The following ANXA10 variants were observed in gnomAD, a reference collection of about 807,000 sequenced individuals.
The protein encoded by ANXA10 is annexin A10.
Under a neutral mutation model 53.5 loss-of-function variants are expected in ANXA10, and 49 were observed. The ratio of observed to expected loss-of-function variants is 0.92; its 90% CI spans 0.73 to 1.16. The LOEUF (loss-of-function observed/expected upper bound fraction) is 1.16, where lower values mean the gene tolerates loss of function less well. Ranked by LOEUF, ANXA10 falls within the 50% of genes most tolerant of loss-of-function variation. ANXA10 has a pLI of 0.00. For missense variants in ANXA10, 393 were observed against 394.4 expected, an observed-to-expected ratio of 1.00 and a Z score of 0.03; for synonymous variants, 131 against 128.9, an observed-to-expected ratio of 1.02 and a Z score of -0.11.
At chr4:168,131,694 A>C (rs1731158758) in intron 2 of ANXA10, among the ~76,000 whole-genome samples, 2 of 151,928 alleles carry the variant, frequency 1.3e-5, no homozygotes, top group Admixed American at 6.6e-5. Context: ...ATACATATTA[A>C]GGTTTGTTAT....
chr4:168,155,371 ATATAT>A (rs942347639), intron 3 of ANXA10, among the ~76,000 whole-genome samples: 4 of 106,696 alleles, frequency 3.7e-5, no homozygotes, highest in African/African-American at 1.1e-4. Flanking sequence ...ATAATGTATT[ATATAT>A]TATATTGAAT....
At chr4:168,179,825 CT>C (rs1033278777) in intron 9 of ANXA10, among the ~76,000 whole-genome samples, 52 of 152,162 alleles carry the variant, frequency 3.4e-4, no homozygotes, top group African/African-American at 1.2e-3. Flanking sequence ...CCTCTTGCTC[CT>C]TCCTAAGTAA....
At chr4:168,122,903 A>G (rs918943030) in intron 1 of ANXA10, among the ~76,000 whole-genome samples, 1 of 152,136 alleles carries the variant, frequency 6.6e-6, no homozygotes, top group Non-Finnish European at 1.5e-5. Flanking sequence ...ATCATATCAC[A>G]TATTTAGCGT....
intron 1 of ANXA10, among the ~76,000 whole-genome samples, chr4:168,114,552 A>G (rs1252566518): frequency 2.6e-5 from 4 of 152,228 alleles, no homozygotes; most frequent in Non-Finnish European, 5.9e-5. Flanking sequence ...GTACAATGAC[A>G]TAACTGCAGG....
intron 4 of ANXA10, among the ~76,000 whole-genome samples, chr4:168,163,712 AC>A (rs1428719480): frequency 1.3e-5 from 2 of 152,150 alleles, no homozygotes; most frequent in Non-Finnish European, 2.9e-5. Flanking sequence ...TCTGCAAGAG[AC>A]CACAGAAAGC....
chr4:168,168,823 C>G lies in ANXA10; in HGVS notation c.480+3497C>G, dbSNP rs141445964. Among the ~76,000 whole-genome samples, 1,180 of 152,266 alleles carry G rather than the reference C, an allele frequency of 7.7e-3. 13 individuals carry two copies. Among genetic ancestry groups the G allele is most frequent in the African/African-American group, 0.027 (1,123 of 41,564 alleles). On this transcript the variant is annotated intron_variant, in intron 6 of 11. Transcript: ENST00000359299. ...GACATGTTTGTCAATAAATAGAAAA[C>G]TTATGATGATGACTATATTAGGCCC...
intron 3 of ANXA10, among the ~76,000 whole-genome samples, chr4:168,148,014 G>T (rs1731432551): frequency 1.3e-5 from 2 of 152,042 alleles, no homozygotes; most frequent in African/African-American, 4.8e-5. Flanking sequence ...AATGGTTTTG[G>T]CCTACACAAA....
intron 11 of ANXA10, among the ~76,000 whole-genome samples, chr4:168,187,063 G>T (rs1464639309): frequency 6.6e-6 from 1 of 151,660 alleles, no homozygotes; most frequent in African/African-American, 2.4e-5. Context: ...ATAACATTAG[G>T]GTACATCTTC....
intron 3 of ANXA10, among the ~76,000 whole-genome samples, chr4:168,140,761 G>A (rs1056989858): frequency 6.6e-6 from 1 of 152,090 alleles, no homozygotes; most frequent in African/African-American, 2.4e-5. Flanking sequence ...TGGGATTACA[G>A]CTGTGCGTCA....
At chr4:168,093,082 C>T (rs941065898) in intron 1 of ANXA10, among the ~76,000 whole-genome samples, 1 of 152,000 alleles carries the variant, frequency 6.6e-6, no homozygotes, top group Non-Finnish European at 1.5e-5. Context: ...ATTATGAAAT[C>T]TTAAATCCAT....
At chr4:168,096,934 G>GTATATATA (rs1730558751) in intron 1 of ANXA10, among the ~76,000 whole-genome samples, 1 of 80,964 alleles carries the variant, frequency 1.2e-5, no homozygotes. Context: ...ATATATGTAT[G>GTATATATA]TATATGTATA....
At position 168,181,644 on chromosome 4, in the gene ANXA10, A is replaced by G. The variant is rs1461671170; in HGVS notation, c.725-39A>G. 5 of 1,485,864 alleles carry G rather than the reference A, an allele frequency of 3.4e-6. No individual in the cohort carries two copies. In the Admixed American group the frequency reaches 6.8e-5, roughly 20 times the overall value. The allele number at this position is 1,485,864 out of a possible 1,614,324, so 92.0% of individuals were successfully genotyped here. A position where few individuals can be genotyped will look rare whatever the true frequency, so the allele number is the denominator to read the frequency against. ...AATTCTGACGAAAATATATGTTTTC[A>G]CTCTCAATGTTTCTTCTTCTCTCTC... is the stretch of plus-strand genomic sequence containing the variant. On this transcript the variant is annotated intron_variant, in intron 9 of 11. Transcript: ENST00000359299.
chr4:168,151,735 T>G (rs1398961123), intron 3 of ANXA10, among the ~76,000 whole-genome samples: 2 of 152,236 alleles, frequency 1.3e-5, no homozygotes, highest in African/African-American at 4.8e-5. Context: ...AACATGTTAT[T>G]CGATATTTAT....
chr4:168,121,243 G>C (rs537943426), intron 1 of ANXA10, among the ~76,000 whole-genome samples: 1 of 151,770 alleles, frequency 6.6e-6, no homozygotes, highest in African/African-American at 2.4e-5. Context: ...TTCTAACAAG[G>C]CATGAACTGT....
intron 6 of ANXA10, among the ~76,000 whole-genome samples, chr4:168,171,075 T>C (rs1235803439): frequency 5.3e-5 from 8 of 152,132 alleles, no homozygotes; most frequent in Admixed American, 6.6e-5. Context: ...ATTCAGAAAA[T>C]TGGAAAAGAT....
intron 1 of ANXA10, among the ~76,000 whole-genome samples, chr4:168,104,474 C>T (rs1021509901): frequency 6.6e-6 from 1 of 151,862 alleles, no homozygotes; most frequent in African/African-American, 2.4e-5. Flanking sequence ...GATATTATTT[C>T]TTCCTTAAAT....
intron 6 of ANXA10, among the ~76,000 whole-genome samples, chr4:168,177,071 G>A (rs576776772): frequency 6.6e-6 from 1 of 152,106 alleles, no homozygotes. Flanking sequence ...GGAGCAAGGA[G>A]AAAGCCTCCC....
chr4:168,129,402 T>C (rs1731124016), intron 2 of ANXA10, among the ~76,000 whole-genome samples: 1 of 152,164 alleles, frequency 6.6e-6, no homozygotes. Flanking sequence ...GTCACAGCAA[T>C]CTGTTCACCA....
At chr4:168,174,872 A>G (rs902024839) in intron 6 of ANXA10, among the ~76,000 whole-genome samples, 23 of 152,202 alleles carry the variant, frequency 1.5e-4, no homozygotes, top group Non-Finnish European at 3.4e-4. Flanking sequence ...CCTGATATGT[A>G]TATTAGAAAA....
Sources: gnomAD v4.1 joint callset for allele counts (sites outside exome capture counted in the v4.1 genomes callset) on GRCh38, gnomAD v4.1.1 for gene constraint, MANE v1.5 for transcripts, NCBI Gene and HGNC (gene_info 2026-07-23, HGNC 2026-07-21) for gene names.